Variants in SLC9A9 observed in about 807,000 individuals in gnomAD.
SLC9A9 encodes solute carrier family 9 member A9, also known as sodium/hydrogen exchanger 9.
SLC9A9 carries 62 observed loss-of-function variants against 77.8 expected under a neutral mutation model. That is an observed-to-expected ratio of 0.80 (90% CI 0.65 to 0.98). The LOEUF (loss-of-function observed/expected upper bound fraction) is 0.98, where lower values mean the gene tolerates loss of function less well. Among genes scored for constraint, SLC9A9 ranks in the 50% least tolerant of loss-of-function variants. The pLI is 0.00. For missense variants in SLC9A9, 775 were observed against 774.9 expected, an observed-to-expected ratio of 1.00 and a Z score of 0.00; for synonymous variants, 320 against 283.5, an observed-to-expected ratio of 1.13 and a Z score of -1.29.
chr3:143,727,277 T>C (rs1183367602), intron 4 of SLC9A9, among the ~76,000 whole-genome samples: 2 of 151,948 alleles, frequency 1.3e-5, no homozygotes, highest in Non-Finnish European at 2.9e-5. Flanking sequence ...GTAGTGCAAA[T>C]AGAAGATGAG....
intron 12 of SLC9A9, among the ~76,000 whole-genome samples, chr3:143,406,634 T>C (rs938323112): frequency 2.0e-5 from 3 of 152,136 alleles, no homozygotes; most frequent in Non-Finnish European, 2.9e-5. Context: ...TATTTCTTCA[T>C]TCTAGGAATT....
At chr3:143,456,328 A>G (rs997880375) in intron 12 of SLC9A9, among the ~76,000 whole-genome samples, 54 of 152,108 alleles carry the variant, frequency 3.6e-4, no homozygotes, top group Non-Finnish European at 7.2e-4. Context: ...TTTTGCATCT[A>G]TGTGTATAAA....
chr3:143,601,618 AC>A (rs1366260039), intron 6 of SLC9A9, among the ~76,000 whole-genome samples: 1 of 152,136 alleles, frequency 6.6e-6, no homozygotes, highest in Admixed American at 6.5e-5. Context: ...CTGGTATTAA[AC>A]CACTTTCCAA....
rs534262549 is a variant in SLC9A9 at position 143,394,016 on chromosome 3, A to G, written c.1470-11902T>C. 3.4e-4 allele frequency among the ~76,000 whole-genome samples: 52 copies of G among 152,298 alleles called. 2 individuals are homozygous for G. The South Asian group carries it at 0.011, about 31-fold the overall frequency. ...GATGGATTCACAGCCGAATTCTACC[A>G]GAGGTACAAGGAGGAGCTGGTACCA... is the stretch of plus-strand genomic sequence containing the variant. On this transcript the variant is annotated intron_variant, in intron 12 of 15. Transcript: ENST00000316549.
At chr3:143,562,524 A>G (rs1248187114) in intron 8 of SLC9A9, among the ~76,000 whole-genome samples, 2 of 152,038 alleles carry the variant, frequency 1.3e-5, no homozygotes, top group Non-Finnish European at 2.9e-5. Context: ...TTTGAATACA[A>G]AACTTAATAG....
intron 11 of SLC9A9, among the ~76,000 whole-genome samples, chr3:143,480,030 A>C (rs928429209): frequency 1.3e-5 from 2 of 152,212 alleles, no homozygotes; most frequent in African/African-American, 4.8e-5. Flanking sequence ...AACACTGACC[A>C]TTTAAGGTAA....
At chr3:143,565,679 G>A (rs1029878355) in intron 8 of SLC9A9, among the ~76,000 whole-genome samples, 1 of 151,648 alleles carries the variant, frequency 6.6e-6, no homozygotes, top group Non-Finnish European at 1.5e-5. Flanking sequence ...TATTTCTGCA[G>A]CTTGAACGCC....
At chr3:143,676,318 A>G (rs1344249964) in intron 5 of SLC9A9, among the ~76,000 whole-genome samples, 4 of 152,316 alleles carry the variant, frequency 2.6e-5, no homozygotes. Flanking sequence ...TTATACTAAA[A>G]TTCTCATTAT....
intron 9 of SLC9A9, among the ~76,000 whole-genome samples, chr3:143,550,544 G>A (rs2036863552): frequency 6.6e-6 from 1 of 152,018 alleles, no homozygotes; most frequent in African/African-American, 2.4e-5. Flanking sequence ...TTCAACACTG[G>A]GGCTTTCTTT....
intron 4 of SLC9A9, among the ~76,000 whole-genome samples, chr3:143,741,813 G>A (rs1418411404): frequency 6.6e-6 from 1 of 152,066 alleles, no homozygotes; most frequent in Non-Finnish European, 1.5e-5. Flanking sequence ...CAGTGAAAGA[G>A]ATCTAACTTA....
intron 14 of SLC9A9, among the ~76,000 whole-genome samples, chr3:143,357,846 C>T (rs560092164): frequency 1.3e-5 from 2 of 152,180 alleles, no homozygotes; most frequent in African/African-American, 4.8e-5. Context: ...GCGAACTACC[C>T]CAATAAATGA....
At chr3:143,605,838 T>C (rs774409093) in intron 6 of SLC9A9, among the ~76,000 whole-genome samples, 2 of 152,184 alleles carry the variant, frequency 1.3e-5, no homozygotes, top group East Asian at 1.9e-4. Flanking sequence ...TGGTTCCAGA[T>C]ACAAGTACAA....
At chr3:143,424,546 G>A (rs1156888786) in intron 12 of SLC9A9, among the ~76,000 whole-genome samples, 1 of 151,944 alleles carries the variant, frequency 6.6e-6, no homozygotes, top group Non-Finnish European at 1.5e-5. Context: ...CCAAGTGCTG[G>A]GTCTCAATCC....
chr3:143,699,742 G>A (rs992473253), intron 4 of SLC9A9, among the ~76,000 whole-genome samples: 11 of 152,066 alleles, frequency 7.2e-5, no homozygotes, highest in Non-Finnish European at 1.6e-4. Flanking sequence ...AACTTGAAAG[G>A]CAGTCTAGGG....
chr3:143,325,118 C>T (rs540784655), intron 14 of SLC9A9, among the ~76,000 whole-genome samples: 20 of 150,470 alleles, frequency 1.3e-4, no homozygotes, highest in Middle Eastern at 7.0e-3. Flanking sequence ...TTCCTTTTTC[C>T]ATAGTAGTGA....
At chr3:143,315,315 T>G (rs2031170315) in intron 14 of SLC9A9, among the ~76,000 whole-genome samples, 1 of 152,356 alleles carries the variant, frequency 6.6e-6, no homozygotes, top group South Asian at 2.1e-4. Context: ...ATTAGATCTT[T>G]GCAGAGATAG....
At chr3:143,695,705 G>A (rs1933617414) in intron 4 of SLC9A9, among the ~76,000 whole-genome samples, 1 of 152,156 alleles carries the variant, frequency 6.6e-6, no homozygotes, top group Admixed American at 6.5e-5. Context: ...CCAGTAATGG[G>A]ATTGCTGGGT....
In SLC9A9 at chr3:143,674,708, G is replaced by A. The variant is rs116472364; in HGVS notation, c.649+18484C>T. 3.7e-3 allele frequency among the ~76,000 whole-genome samples: 567 copies of A among 152,120 alleles called. 7 individuals are homozygous for A. Among genetic ancestry groups the A allele is most frequent in the African/African-American group, 0.013 (537 of 41,498 alleles). ...TAACAGCACTTTCTACTGGGAACTA[G>A]GACTCCTGCAGTTCACATTCTCTGA... On this transcript the variant is annotated intron_variant, in intron 5 of 15. Coordinates refer to ENST00000316549, the MANE Select transcript of SLC9A9 (RefSeq NM_173653.4).
chr3:143,758,321 C>T (rs1021062385), intron 4 of SLC9A9, among the ~76,000 whole-genome samples: 14 of 152,190 alleles, frequency 9.2e-5, no homozygotes, highest in Non-Finnish European at 1.8e-4. Context: ...GTGTTACACT[C>T]AGCAATAGCA....
Sources: gnomAD v4.1 joint callset for allele counts (sites outside exome capture counted in the v4.1 genomes callset) on GRCh38, gnomAD v4.1.1 for gene constraint, MANE v1.5 for transcripts, NCBI Gene and HGNC (gene_info 2026-07-23, HGNC 2026-07-21) for gene names.